The following CDH12 variants were observed in gnomAD, a reference collection of about 807,000 sequenced individuals.
CDH12 encodes cadherin-12.
A neutral mutation model predicts 74.1 loss-of-function variants in CDH12; 41 were observed. The ratio of observed to expected loss-of-function variants is 0.55; its 90% CI spans 0.43 to 0.72. CDH12 has a LOEUF of 0.72. Ranked by LOEUF, CDH12 falls within the 30% of genes least tolerant of loss-of-function variation. The pLI is 0.00. For missense variants in CDH12, 945 were observed against 977.2 expected (o/e 0.97, Z 0.44); for synonymous variants, 399 against 355.0 (o/e 1.12, Z -1.39).
rs569675617 is a variant in CDH12, at chr5:22,020,446, C to T, written c.232-45061G>A. On this transcript the variant is annotated intron_variant, in intron 5 of 14. Transcript: ENST00000382254. ...GTGCAAGCCTGTAATCTCTGCTACT[C>T]GGGGGGCTGAGGCAGGGGAATCGCT... 8.6e-5 allele frequency among the ~76,000 whole-genome samples: 13 copies of T among 151,194 alleles called. No homozygotes were observed. The South Asian group carries it at 2.5e-3, about 29-fold the overall frequency.
intron 1 of CDH12, among the ~76,000 whole-genome samples, chr5:22,609,020 C>A (rs1185974626): frequency 6.6e-6 from 1 of 152,102 alleles, no homozygotes; most frequent in African/African-American, 2.4e-5. Flanking sequence ...CAATGGATAG[C>A]CAGGCCTTCC....
At chr5:22,059,295 C>CTATCATCT (rs1554005222) in intron 5 of CDH12, among the ~76,000 whole-genome samples, 1 of 129,680 alleles carries the variant, frequency 7.7e-6, no homozygotes, top group Non-Finnish European at 1.7e-5. Context: ...ATCTATCTAT[C>CTATCATCT]ATCTATCTAT....
At chr5:22,478,720 T>A (rs1373968153) in intron 2 of CDH12, among the ~76,000 whole-genome samples, 2 of 152,112 alleles carry the variant, frequency 1.3e-5, no homozygotes, top group African/African-American at 4.8e-5. Context: ...TCATTTGTTG[T>A]TAATTATGGA....
intron 1 of CDH12, among the ~76,000 whole-genome samples, chr5:22,648,669 A>C (rs1003429201): frequency 6.6e-6 from 1 of 151,882 alleles, no homozygotes; most frequent in Non-Finnish European, 1.5e-5. Context: ...TGGATCAAAC[A>C]TATGTTCATT....
intron 3 of CDH12, among the ~76,000 whole-genome samples, chr5:22,403,035 G>A (rs951103273): frequency 6.6e-6 from 1 of 152,162 alleles, no homozygotes; most frequent in Non-Finnish European, 1.5e-5. Flanking sequence ...CTGAAAATGT[G>A]CCAACCTTTA....
chr5:21,866,168 T>C (rs1751315208), intron 6 of CDH12, among the ~76,000 whole-genome samples: 2 of 152,200 alleles, frequency 1.3e-5, no homozygotes. Context: ...CTCTTTCTTT[T>C]GTAAATTGCC....
intron 5 of CDH12, among the ~76,000 whole-genome samples, chr5:22,075,895 T>TAA (rs1742284165): frequency 6.6e-6 from 1 of 152,098 alleles, no homozygotes; most frequent in Non-Finnish European, 1.5e-5. Flanking sequence ...TTTCTATGAG[T>TAA]AATCTCAAAG....
At chr5:22,648,230 A>G (rs745850306) in intron 1 of CDH12, among the ~76,000 whole-genome samples, 1 of 151,896 alleles carries the variant, frequency 6.6e-6, no homozygotes, top group Non-Finnish European at 1.5e-5. Flanking sequence ...TTTTCTATGC[A>G]AGTCTTCATA....
At chr5:22,302,830 A>G (rs12186892) in intron 3 of CDH12, among the ~76,000 whole-genome samples, 1 of 151,856 alleles carries the variant, frequency 6.6e-6, no homozygotes, top group Non-Finnish European at 1.5e-5. Context: ...TGTTAAGTGC[A>G]CTAGGAACGT....
chr5:22,466,623 G>A (rs1314547245), intron 2 of CDH12, among the ~76,000 whole-genome samples: 1 of 151,964 alleles, frequency 6.6e-6, no homozygotes, highest in African/African-American at 2.4e-5. Flanking sequence ...AAAAAGAGGA[G>A]GCTGCGGTTT....
intron 5 of CDH12, among the ~76,000 whole-genome samples, chr5:21,979,676 C>T (rs1272431316): frequency 1.3e-5 from 2 of 152,038 alleles, no homozygotes; most frequent in African/African-American, 4.8e-5. Flanking sequence ...TTTCATTTGT[C>T]ATTTGCCAGC....
At chr5:22,533,201 T>C (rs903422228) in intron 1 of CDH12, among the ~76,000 whole-genome samples, 8 of 152,142 alleles carry the variant, frequency 5.3e-5, no homozygotes, top group African/African-American at 1.7e-4. Context: ...TTGTCATAAC[T>C]GGACGAAGGG....
At chr5:21,810,145 T>C (rs1747669321) in intron 9 of CDH12, among the ~76,000 whole-genome samples, 1 of 152,070 alleles carries the variant, frequency 6.6e-6, no homozygotes, top group Non-Finnish European at 1.5e-5. Context: ...AAGTTAGTAA[T>C]AGAAAATGCA....
intron 2 of CDH12, among the ~76,000 whole-genome samples, chr5:22,500,912 G>A (rs1747304461): frequency 6.6e-6 from 1 of 151,642 alleles, no homozygotes; most frequent in Admixed American, 6.6e-5. Context: ...CATCACTCCT[G>A]CAGTATAATT....
intron 1 of CDH12, among the ~76,000 whole-genome samples, chr5:22,582,953 G>A (rs1186353327): frequency 6.6e-6 from 1 of 152,100 alleles, no homozygotes; most frequent in Non-Finnish European, 1.5e-5. Flanking sequence ...TTCAGGCAAT[G>A]AAACCCCTGC....
chr5:22,206,899 T>C (rs1392890678), intron 4 of CDH12, among the ~76,000 whole-genome samples: 1 of 151,394 alleles, frequency 6.6e-6, no homozygotes, highest in African/African-American at 2.4e-5. Flanking sequence ...ATTTAGATAG[T>C]TATCTTCAAG....
intron 1 of CDH12, among the ~76,000 whole-genome samples, chr5:22,683,512 C>T (rs1741605361): frequency 1.3e-5 from 2 of 152,094 alleles, no homozygotes; most frequent in Admixed American, 1.3e-4. Context: ...CAGATATATG[C>T]TTATAACAGG....
intron 1 of CDH12, among the ~76,000 whole-genome samples, chr5:22,568,009 C>A (rs1236885590): frequency 6.6e-6 from 1 of 152,156 alleles, no homozygotes; most frequent in African/African-American, 2.4e-5. Context: ...ACAACACACA[C>A]AATTTAGCAA....
chr5:22,376,864 G>A (rs1025818174), intron 3 of CDH12, among the ~76,000 whole-genome samples: 1 of 151,840 alleles, frequency 6.6e-6, no homozygotes, highest in African/African-American at 2.4e-5. Flanking sequence ...CCATAAGTAT[G>A]TAAAATAGTT....
Sources: gnomAD v4.1 joint callset for allele counts (sites outside exome capture counted in the v4.1 genomes callset) on GRCh38, gnomAD v4.1.1 for gene constraint, MANE v1.5 for transcripts, NCBI Gene and HGNC (gene_info 2026-07-23, HGNC 2026-07-21) for gene names.